Variants in NPRL3 observed in about 807,000 individuals in gnomAD.
NPRL3 encodes the protein GATOR1 complex protein NPRL3.
A neutral mutation model predicts 57.2 loss-of-function variants in NPRL3; 23 were observed. That is an observed-to-expected ratio of 0.40 (90% confidence interval 0.29 to 0.57). NPRL3 has a LOEUF of 0.57. Ranked by LOEUF, NPRL3 falls within the 20% of genes least tolerant of loss-of-function variation. The pLI, the probability that NPRL3 is intolerant of heterozygous loss-of-function variation, is 0.42. For synonymous variants in NPRL3, 333 were observed against 321.1 expected (o/e 1.04, Z -0.39); for missense variants, 691 against 767.1 (o/e 0.90, Z 1.17).
At chr16:88,540 T>C (rs1596494710) in intron 13 of NPRL3, among the ~76,000 whole-genome samples, 158 bp downstream of exon 13, 1 of 152,080 alleles carries the variant, frequency 6.6e-6, no homozygotes, top group East Asian at 1.9e-4. Flanking sequence ...GCCTGGGCAG[T>C]GGCACCTGCC....
intron 9 of NPRL3, among the ~76,000 whole-genome samples, chr16:93,869 CT>C (rs1393622767): frequency 8.5e-5 from 13 of 152,160 alleles, no homozygotes; most frequent in African/African-American, 2.2e-4. Flanking sequence ...CCACAATGGC[CT>C]TTTTGTCACT....
rs79312083 is a variant in NPRL3, at chr16:138,304, A to T, written c.-37T>A. On this transcript the variant is annotated 5_prime_UTR_variant, in exon 2 of 14. Coordinates refer to ENST00000611875, the MANE Select transcript of NPRL3 (RefSeq NM_001077350.3). The stretch of plus-strand genomic sequence containing the variant: ...GCCGGGGCCGGGGGCGGAGGGGGCC[A>T]GAGGAGGACGGAGCCGGAGGCGGAG... 336 of 1,357,300 alleles carry T rather than the reference A, an allele frequency of 2.5e-4. 2 individuals carry two copies. In the African/African-American group the frequency reaches 2.9e-3, roughly 12 times the overall value. 84.1% of individuals were successfully genotyped at this position (1,357,300 alleles called of 1,614,324 possible). A position where few individuals can be genotyped will look rare whatever the true frequency, so the allele number is the denominator to read the frequency against.
At chr16:132,656 C>T (rs1434722635) in intron 2 of NPRL3, among the ~76,000 whole-genome samples, 2 of 150,494 alleles carry the variant, frequency 1.3e-5, no homozygotes, top group African/African-American at 4.9e-5. Context: ...TATAGCCTTA[C>T]AAATTGTATT....
chr16:100,379 C>A lies in NPRL3; in HGVS notation c.760G>T (p.Ala254Ser). The change falls in exon 8 of 14, where the codon GCC becomes TCC. Residue 254 changes from alanine to serine, a missense_variant. Transcript: ENST00000611875. ...GTGGGGCTGGGCACTTACCGGATGGCTTTCAGGCTCCGTTCGATGGCCTCT... is the reference window on the plus strand; with the variant it reads ...GTGGGGCTGGGCACTTACCGGATGGATTTCAGGCTCCGTTCGATGGCCTCT... ...PPEAIERSLK[A>S]IRPYHALLLL... 1 of 1,545,154 alleles carries A rather than the reference C, an allele frequency of 6.5e-7. No homozygotes were observed. Among genetic ancestry groups the A allele is most frequent in the Admixed American group, 2.0e-5 (1 of 48,958 alleles).
At chr16:101,072 G>C (rs1181497267) in intron 7 of NPRL3, among the ~76,000 whole-genome samples, 2 of 151,670 alleles carry the variant, frequency 1.3e-5, no homozygotes, top group African/African-American at 4.8e-5. Context: ...GCCAGGGCTT[G>C]AGAGAAGCCG....
At position 89,618 on chromosome 16, in the gene NPRL3, C is replaced by A. The variant is rs557056068; in HGVS notation, c.1351+95G>T. 47 of 1,184,428 alleles carry A rather than the reference C, an allele frequency of 4.0e-5. No homozygotes were observed. The African/African-American group carries it at 6.8e-4, about 17-fold the overall frequency. The allele number at this position is 1,184,428 out of a possible 1,614,324, so 73.4% of individuals were successfully genotyped here. On this transcript the variant is annotated intron_variant, in intron 12 of 13. Coordinates refer to ENST00000611875, the MANE Select transcript of NPRL3 (RefSeq NM_001077350.3). The stretch of plus-strand genomic sequence containing the variant: ...TGTGCGTGTGCAGCTGTGTGGAGGC[C>A]CCTCATCACTCACAGCACCACCCAC...
chr16:85,885 T>C lies in NPRL3; in HGVS notation c.*820A>G, dbSNP rs970720951. ...AGAGCTCCTCTAGGTGATCAACCCA[T>C]GTCTGGAGCTAGCTCTTCCTCCAGG... On this transcript the variant is annotated 3_prime_UTR_variant, in exon 14 of 14. Transcript: ENST00000611875. 1 of 1,242,128 alleles carries C rather than the reference T, an allele frequency of 8.1e-7. No individual in the cohort carries two copies. The highest frequency in any genetic ancestry group is 1.0e-6 in the Non-Finnish European group (1 of 964,394). 76.9% of individuals were successfully genotyped at this position (1,242,128 alleles called of 1,614,324 possible).
chr16:95,323 G>GTATATA (rs1425173088), intron 9 of NPRL3, among the ~76,000 whole-genome samples: 666 of 32,612 alleles, frequency 0.02, 12 homozygotes, highest in African/African-American at 0.037. Context: ...ATGTTTGTGT[G>GTATATA]TGTATATATA....
At chr16:130,289 T>C (rs1304139119) in intron 3 of NPRL3, among the ~76,000 whole-genome samples, 1 of 152,212 alleles carries the variant, frequency 6.6e-6, no homozygotes, top group East Asian at 1.9e-4. Flanking sequence ...TGCTCTGACC[T>C]GCTTCACCCA....
At chr16:129,215 T>C (rs375800500) in intron 3 of NPRL3, among the ~76,000 whole-genome samples, 1 of 152,170 alleles carries the variant, frequency 6.6e-6, no homozygotes, top group South Asian at 2.1e-4. Flanking sequence ...GTAAGGCTAA[T>C]GTGGGGGGTG....
chr16:88,573 C>T (rs1898605190), intron 13 of NPRL3, 125 bp downstream of exon 13: 2 of 873,338 alleles, frequency 2.3e-6, no homozygotes, highest in African/African-American at 1.7e-5. Flanking sequence ...AATGCAGAGA[C>T]TCCATCTCGA....
At chr16:109,371 C>T (rs1596518677) in intron 7 of NPRL3, among the ~76,000 whole-genome samples, 1 of 152,008 alleles carries the variant, frequency 6.6e-6, no homozygotes, top group Non-Finnish European at 1.5e-5. Flanking sequence ...CAGTCAGTGT[C>T]GCAAACCCCA....
chr16:112,944 T>A (rs1244185670), intron 5 of NPRL3, among the ~76,000 whole-genome samples, 169 bp from the exon 6 acceptor site: 1 of 152,204 alleles, frequency 6.6e-6, no homozygotes, highest in Non-Finnish European at 1.5e-5. Flanking sequence ...GCTCATTTCC[T>A]GAGTCCCCTC....
chr16:138,143 CACTT>C lies in NPRL3; in HGVS notation c.118+3_118+6del, dbSNP rs1312109237. On this transcript the variant is annotated splice_donor_5th_base_variant and intron_variant, in intron 2 of 13. Transcript: ENST00000611875. ...GAGCGCCAGGCCCCCGCCCAGCGCT[CACTT>C]ACTTGTCTGGGACGCCGGGTGCTCC... The C allele has an allele frequency of 1.3e-6, 2 of 1,591,594 alleles. No homozygotes were observed. Among genetic ancestry groups the C allele is most frequent in the African/African-American group, 2.7e-5 (2 of 74,306 alleles).
intron 8 of NPRL3, among the ~76,000 whole-genome samples, chr16:99,268 T>G: frequency 6.6e-6 from 1 of 152,192 alleles, no homozygotes; most frequent in East Asian, 1.9e-4. Context: ...GATATATTTT[T>G]ATAATTAAAA....
chr16:131,817 C>T (rs79377806), intron 2 of NPRL3, among the ~76,000 whole-genome samples: 2,729 of 152,100 alleles, frequency 0.018, 80 homozygotes, highest in African/African-American at 0.062. Context: ...ATTTCTCTGT[C>T]GTACGGGACG....
In NPRL3 at chr16:130,571, C is replaced by A. The variant is rs1401901852; in HGVS notation, c.139G>T (p.Ala47Ser). 7.1e-6 allele frequency: 11 copies of A among 1,555,172 alleles called. No individual in the cohort carries two copies. The highest frequency in any genetic ancestry group is 7.0e-6 in the Non-Finnish European group (8 of 1,149,096). Residue 47 changes from alanine (A) to serine (S), a missense_variant, in exon 3 of 14, where the codon GCT becomes TCT. Ala to Ser is a moderately conservative substitution (Grantham distance 99). Transcript: ENST00000611875. ...SQTSKPRSRYAASNTGDHADE... is the reference protein window; with the variant it reads ...SQTSKPRSRYSASNTGDHADE... ...GCATGGTCGCCCGTGTTGCTGGCAG[C>A]GTATCTGCTACGCGGCTTACCTGAG...
intron 6 of NPRL3, among the ~76,000 whole-genome samples, chr16:111,880 TTC>T (rs760870817): frequency 6.6e-6 from 1 of 152,252 alleles, no homozygotes; most frequent in Non-Finnish European, 1.5e-5. Flanking sequence ...TTGTTCCTAA[TTC>T]TCTCTTTTGT....
In NPRL3 at chr16:85,472, A is replaced by G. The variant is rs750441127; in HGVS notation, c.*1233T>C. On this transcript the variant is annotated 3_prime_UTR_variant, in exon 14 of 14. Coordinates refer to ENST00000611875, the MANE Select transcript of NPRL3 (RefSeq NM_001077350.3). Reference sequence around the variant, plus strand: ...TCTGGAGACCATGCGTCAGCTTCGCAGCACCCTCCGGAAAGGCACCGCCAG... The same window carrying G: ...TCTGGAGACCATGCGTCAGCTTCGCGGCACCCTCCGGAAAGGCACCGCCAG... 4.3e-6 allele frequency: 7 copies of G among 1,613,004 alleles called. No individual in the cohort carries two copies. The African/African-American group carries it at 9.3e-5, about 22-fold the overall frequency.
Sources: allele counts gnomAD v4.1 joint callset (sites outside exome capture counted in the v4.1 genomes callset), GRCh38; gene constraint gnomAD v4.1.1; transcripts MANE v1.5; gene names NCBI Gene and HGNC (gene_info 2026-07-23, HGNC 2026-07-21).